Variants in ELF1 observed in about 807,000 individuals in gnomAD.
ELF1 encodes ETS-related transcription factor Elf-1.
In ELF1, 24 loss-of-function variants were observed where a neutral mutation model predicts 59.9. The observed-to-expected ratio is 0.40, with a 90% CI of 0.29 to 0.56. The LOEUF is 0.56. Among genes scored for constraint, ELF1 ranks in the 20% least tolerant of loss-of-function variants. The pLI is 0.44. For missense variants in ELF1, 627 were observed against 742.2 expected (o/e 0.84, Z 1.80); for synonymous variants, 248 against 266.2 (o/e 0.93, Z 0.67).
At chr13:41,057,601 C>T (rs565109802) in intron 1 of ELF1, among the ~76,000 whole-genome samples, 62 of 152,166 alleles carry the variant, frequency 4.1e-4, no homozygotes, top group African/African-American at 1.5e-3. Flanking sequence ...GATGGGATTT[C>T]GCCATGTTGA....
At chr13:40,939,787 G>A (rs4941391) in intron 8 of ELF1, among the ~76,000 whole-genome samples, 79,885 of 151,988 alleles carry the variant, frequency 0.53, 24,646 homozygotes, top group Non-Finnish European at 0.68. Context: ...ATAATGCAAC[G>A]ATTCAAAATC....
chr13:41,042,386 GC>G (rs1876653792), intron 1 of ELF1, among the ~76,000 whole-genome samples: 1 of 151,502 alleles, frequency 6.6e-6, no homozygotes, highest in Non-Finnish European at 1.5e-5. Context: ...GTATACATGT[GC>G]CATGTTGGTA....
At chr13:40,992,234 G>A (rs2138305901) in intron 1 of ELF1, among the ~76,000 whole-genome samples, 1 of 152,324 alleles carries the variant, frequency 6.6e-6, no homozygotes, top group Non-Finnish European at 1.5e-5. Context: ...AGACAGAAAT[G>A]TAACTTGAAA....
chr13:40,955,293 C>T (rs1248604481), intron 3 of ELF1, among the ~76,000 whole-genome samples: 1 of 145,570 alleles, frequency 6.9e-6, no homozygotes, highest in East Asian at 2.1e-4. Context: ...CAGCCCCCCG[C>T]CCGGCCAGCC....
At chr13:40,983,505 CA>C (rs1873393707) in intron 1 of ELF1, among the ~76,000 whole-genome samples, 1 of 152,146 alleles carries the variant, frequency 6.6e-6, no homozygotes, top group African/African-American at 2.4e-5. Context: ...AGCAAGAACT[CA>C]AAATAAAATA....
At chr13:40,988,964 A>C (rs1484174157) in intron 1 of ELF1, among the ~76,000 whole-genome samples, 1 of 152,012 alleles carries the variant, frequency 6.6e-6, no homozygotes. Context: ...CGTCTGACTG[A>C]TTTTTGTAAT....
chr13:41,046,504 T>C (rs1876853651), intron 1 of ELF1, among the ~76,000 whole-genome samples: 1 of 152,248 alleles, frequency 6.6e-6, no homozygotes. Context: ...TCTCAGCATT[T>C]GCTTGTCTGT....
intron 1 of ELF1, among the ~76,000 whole-genome samples, chr13:41,017,341 T>C (rs545413503): frequency 3.3e-5 from 5 of 152,134 alleles, no homozygotes; most frequent in Admixed American, 3.3e-4. Context: ...GCCCTGCCAT[T>C]AGGTACTGCA....
rs545549273 is a variant in ELF1 at position 40,987,576 on chromosome 13, C to T, written c.-228-5294G>A. 2.8e-3 allele frequency among the ~76,000 whole-genome samples: 251 copies of T among 89,718 alleles called. 2 individuals are homozygous for T. Among genetic ancestry groups the T allele is most frequent in the African/African-American group, 0.012 (242 of 20,768 alleles). The allele number at this position is 89,718 out of a possible 152,430, so 58.9% of individuals were successfully genotyped here. A position where few individuals can be genotyped will look rare whatever the true frequency, so the allele number is the denominator to read the frequency against. On this transcript the variant is annotated intron_variant, in intron 1 of 8. Transcript: ENST00000239882. ...CTCTAGCCTGGGCAACAGAGCAAGA[C>T]TCTGTCTCAAAAAAAAAAAAAAAAA...
chr13:40,955,596 G>A (rs1871290616), intron 3 of ELF1, among the ~76,000 whole-genome samples: 1 of 28,794 alleles, frequency 3.5e-5, no homozygotes. Context: ...GGGAGGTGAG[G>A]GGCACCTCTG....
At chr13:41,013,571 T>G (rs1158829892) in intron 1 of ELF1, among the ~76,000 whole-genome samples, 1 of 152,108 alleles carries the variant, frequency 6.6e-6, no homozygotes, top group Non-Finnish European at 1.5e-5. Flanking sequence ...GAAACAAACA[T>G]GAATAGGAGT....
intron 1 of ELF1, among the ~76,000 whole-genome samples, chr13:41,041,324 G>C (rs993624424): frequency 5.4e-5 from 8 of 149,092 alleles, no homozygotes; most frequent in Non-Finnish European, 1.2e-4. Context: ...CATTTTCAAA[G>C]TCTTTCTTTG....
At chr13:41,047,457 G>A (rs561811612) in intron 1 of ELF1, among the ~76,000 whole-genome samples, 1 of 152,110 alleles carries the variant, frequency 6.6e-6, no homozygotes, top group Non-Finnish European at 1.5e-5. Flanking sequence ...TGGGCTTTTG[G>A]TGTGGATGTC....
intron 1 of ELF1, among the ~76,000 whole-genome samples, chr13:41,054,633 T>C (rs542188227): frequency 2.2e-4 from 34 of 152,330 alleles, no homozygotes; most frequent in African/African-American, 7.5e-4. Flanking sequence ...GTGTTATCTG[T>C]TGTATCTGAT....
rs185375425 is a variant in ELF1 at position 40,970,628 on chromosome 13, G to A, written c.72+11355C>T. 5.7e-3 allele frequency among the ~76,000 whole-genome samples: 867 copies of A among 152,292 alleles called. 8 individuals are homozygous for A. Among genetic ancestry groups the A allele is most frequent in the South Asian group, 0.013 (65 of 4,824 alleles). ...GGATGTTAATCTTCGTGCCAAGTAT[G>A]TTTGGATGTTAACCTCCGTGCCAAG... is the stretch of plus-strand genomic sequence containing the variant. On this transcript the variant is annotated intron_variant, in intron 2 of 8. Transcript: ENST00000239882.
At chr13:41,040,234 T>C (rs1237908568) in intron 1 of ELF1, among the ~76,000 whole-genome samples, 1 of 152,172 alleles carries the variant, frequency 6.6e-6, no homozygotes, top group East Asian at 1.9e-4. Context: ...AGTAAGAAAC[T>C]AGAAACAAAC....
intron 1 of ELF1, among the ~76,000 whole-genome samples, chr13:41,011,188 C>T (rs576218415): frequency 6.6e-6 from 1 of 152,160 alleles, no homozygotes; most frequent in Non-Finnish European, 1.5e-5. Context: ...GATGTTAATA[C>T]TATACTAATT....
At chr13:40,957,896 T>C (rs898705407) in intron 3 of ELF1, among the ~76,000 whole-genome samples, 2 of 152,140 alleles carry the variant, frequency 1.3e-5, no homozygotes, top group Non-Finnish European at 2.9e-5. Flanking sequence ...CCTAAATAGA[T>C]CAGAACCCGC....
chr13:40,977,350 C>T (rs978420281), intron 2 of ELF1, among the ~76,000 whole-genome samples: 1 of 152,080 alleles, frequency 6.6e-6, no homozygotes, highest in African/African-American at 2.4e-5. Context: ...TTCTCAGCTA[C>T]AAATATTCCC....
Sources: allele counts gnomAD v4.1 joint callset (sites outside exome capture counted in the v4.1 genomes callset), GRCh38; gene constraint gnomAD v4.1.1; transcripts MANE v1.5; gene names NCBI Gene and HGNC (gene_info 2026-07-23, HGNC 2026-07-21).